The following AGMO variants were observed in gnomAD, a reference collection of about 807,000 sequenced individuals.
AGMO encodes the protein alkylglycerol monooxygenase, also known as glyceryl-ether monooxygenase.
AGMO carries 75 observed loss-of-function variants against 60.2 expected under a neutral mutation model. The ratio of observed to expected loss-of-function variants is 1.25; its 90% confidence interval spans 1.03 to 1.51. The LOEUF is 1.51. Ranked by LOEUF, AGMO falls within the 40% of genes most tolerant of loss-of-function variation. AGMO has a pLI of 0.00. For missense variants in AGMO, 763 were observed against 525.5 expected, an observed-to-expected ratio of 1.45 and a Z score of -4.42; for synonymous variants, 261 against 177.1, an observed-to-expected ratio of 1.47 and a Z score of -3.76.
At chr7:15,181,444 C>T in the AGMO span, among the ~76,000 whole-genome samples, 3 of 152,176 alleles carry the variant, frequency 2.0e-5, no homozygotes, top group African/African-American at 7.2e-5. Flanking sequence ...ACTATTTTAT[C>T]AGTCACTACC....
the AGMO span, among the ~76,000 whole-genome samples, chr7:15,133,746 C>T: frequency 3.9e-5 from 6 of 152,148 alleles, no homozygotes; most frequent in Non-Finnish European, 2.9e-5. Flanking sequence ...TTTGTTACAC[C>T]AGAATCCAAC....
chr7:15,356,023 A>G (rs986673309), intron 12 of AGMO, among the ~76,000 whole-genome samples: 1 of 152,238 alleles, frequency 6.6e-6, no homozygotes, highest in Non-Finnish European at 1.5e-5. Context: ...TTAGAAATAC[A>G]ATCAGATACT....
chr7:15,302,830 T>C (rs1780485590), intron 12 of AGMO, among the ~76,000 whole-genome samples: 1 of 152,178 alleles, frequency 6.6e-6, no homozygotes, highest in Admixed American at 6.6e-5. Context: ...AGAGTTAAGC[T>C]TCATAAAGAT....
At chr7:15,150,770 T>C in the AGMO span, among the ~76,000 whole-genome samples, 3 of 152,092 alleles carry the variant, frequency 2.0e-5, no homozygotes, top group Non-Finnish European at 4.4e-5. Flanking sequence ...TTGCTTTTCT[T>C]TTTGTGTCTC....
intron 3 of AGMO, among the ~76,000 whole-genome samples, chr7:15,449,729 T>C (rs924967952): frequency 1.3e-5 from 2 of 152,188 alleles, no homozygotes; most frequent in Admixed American, 6.5e-5. Context: ...TTTCAGAACA[T>C]AGACATTGAT....
intron 12 of AGMO, among the ~76,000 whole-genome samples, chr7:15,349,547 C>G (rs951353472): frequency 3.4e-4 from 52 of 152,076 alleles, no homozygotes; most frequent in African/African-American, 1.2e-3. Context: ...AGACCCAATA[C>G]CTACCTCATT....
intron 3 of AGMO, among the ~76,000 whole-genome samples, chr7:15,529,510 A>G (rs1784219425): frequency 7.2e-6 from 1 of 138,400 alleles, no homozygotes; most frequent in Non-Finnish European, 1.5e-5. Flanking sequence ...TTCTTAGACT[A>G]GAATCTGTTC....
intron 12 of AGMO, among the ~76,000 whole-genome samples, chr7:15,362,351 T>C (rs567237446): frequency 6.0e-4 from 91 of 152,318 alleles, no homozygotes; most frequent in African/African-American, 1.8e-3. Context: ...GCAAAATATT[T>C]ATCCAGTCTT....
the AGMO span, among the ~76,000 whole-genome samples, chr7:15,194,844 C>T: frequency 6.6e-5 from 10 of 152,188 alleles, no homozygotes; most frequent in Admixed American, 6.5e-4. Context: ...CTCCAATACC[C>T]CCTGTCTAGA....
At chr7:15,145,525 A>T in the AGMO span, among the ~76,000 whole-genome samples, 1 of 152,276 alleles carries the variant, frequency 6.6e-6, no homozygotes, top group East Asian at 1.9e-4. Context: ...ATATATCAAG[A>T]TATTAATGAT....
At chr7:15,119,781 T>A in the AGMO span, among the ~76,000 whole-genome samples, 1 of 152,144 alleles carries the variant, frequency 6.6e-6, no homozygotes, top group Admixed American at 6.6e-5. Context: ...CTAGCCTCAA[T>A]CTGAGCTAAT....
At chr7:15,188,684 A>C in the AGMO span, among the ~76,000 whole-genome samples, 1 of 152,258 alleles carries the variant, frequency 6.6e-6, no homozygotes, top group South Asian at 2.1e-4. Flanking sequence ...GAAACGAGAA[A>C]ATTGCATCCC....
At position 15,522,480 on chromosome 7, in the gene AGMO, T is replaced by C. The variant is rs183544299; in HGVS notation, c.409+22292A>G. On this transcript the variant is annotated intron_variant, in intron 3 of 12. Transcript: ENST00000342526. ...CAAGGCTAAAGTAACCAAAACAGCA[T>C]GGTACTAGTACCAAAACAGGTATAT... 1.6e-3 allele frequency among the ~76,000 whole-genome samples: 246 copies of C among 152,244 alleles called. 5 individuals carry two copies. Among genetic ancestry groups the C allele is most frequent in the Admixed American group, 0.015 (236 of 15,288 alleles).
intron 12 of AGMO, among the ~76,000 whole-genome samples, chr7:15,351,467 G>T (rs188590945): frequency 6.6e-6 from 1 of 152,136 alleles, no homozygotes; most frequent in Non-Finnish European, 1.5e-5. Flanking sequence ...AGGCATGAGT[G>T]ATTAGTAATA....
chr7:15,208,726 C>A (rs531462795), intron 12 of AGMO, among the ~76,000 whole-genome samples: 1 of 152,126 alleles, frequency 6.6e-6, no homozygotes, highest in South Asian at 2.1e-4. Flanking sequence ...TTATTTTACT[C>A]ATATTTCTGT....
At chr7:15,298,081 G>C (rs909734200) in intron 12 of AGMO, among the ~76,000 whole-genome samples, 1 of 151,590 alleles carries the variant, frequency 6.6e-6, no homozygotes, top group Non-Finnish European at 1.5e-5. Context: ...AAGAGGACAT[G>C]TTATAAACAA....
At chr7:15,145,732 A>G in the AGMO span, among the ~76,000 whole-genome samples, 14 of 152,140 alleles carry the variant, frequency 9.2e-5, no homozygotes. Context: ...AGATATAAAG[A>G]TTATTACCCG....
At chr7:15,542,206 C>G (rs1784647481) in intron 3 of AGMO, among the ~76,000 whole-genome samples, 1 of 152,038 alleles carries the variant, frequency 6.6e-6, no homozygotes, top group African/African-American at 2.4e-5. Context: ...AAATAAGTTA[C>G]TTTTTTCCTA....
the AGMO span, among the ~76,000 whole-genome samples, chr7:15,148,603 T>C: frequency 6.6e-6 from 1 of 152,164 alleles, no homozygotes; most frequent in South Asian, 2.1e-4. Flanking sequence ...TTCTGTCCTT[T>C]TGTTAATTTG....
Sources: allele counts gnomAD v4.1 joint callset (sites outside exome capture counted in the v4.1 genomes callset), GRCh38; gene constraint gnomAD v4.1.1; transcripts MANE v1.5; gene names NCBI Gene and HGNC (gene_info 2026-07-23, HGNC 2026-07-21).